The following FOCAD variants were observed in gnomAD, a reference collection of about 807,000 sequenced individuals.
FOCAD encodes the protein KIAA1797.
FOCAD carries 198 observed loss-of-function variants against 225.6 expected under a neutral mutation model. The observed-to-expected ratio is 0.88, with a 90% confidence interval of 0.78 to 0.99. The LOEUF (loss-of-function observed/expected upper bound fraction) is 0.99. FOCAD is among the 50% of genes least tolerant of loss of function. The pLI is 0.00. For synonymous variants in FOCAD, 897 were observed against 755.0 expected (o/e 1.19, Z -3.08); for missense variants, 2,713 against 2,123.6 (o/e 1.28, Z -5.46).
intron 5 of FOCAD, among the ~76,000 whole-genome samples, chr9:20,749,362 G>T (rs915752101): frequency 6.6e-6 from 1 of 152,060 alleles, no homozygotes; most frequent in South Asian, 2.1e-4. Context: ...TATGTGGGAA[G>T]GATAAAGATG....
chr9:20,741,177 C>T (rs988030049), intron 5 of FOCAD, among the ~76,000 whole-genome samples: 6 of 152,174 alleles, frequency 3.9e-5, no homozygotes, highest in Non-Finnish European at 8.8e-5. Flanking sequence ...GAAAGGAAAT[C>T]AGGTACTTTT....
chr9:20,815,233 A>G (rs1481454613), intron 11 of FOCAD, among the ~76,000 whole-genome samples: 1 of 145,818 alleles, frequency 6.9e-6, no homozygotes, highest in African/African-American at 2.6e-5. Context: ...CTCCTGGTTC[A>G]AGCAATTCTC....
At chr9:20,823,964 A>G (rs1824608444) in intron 15 of FOCAD, among the ~76,000 whole-genome samples, 1 of 152,140 alleles carries the variant, frequency 6.6e-6, no homozygotes, top group Non-Finnish European at 1.5e-5. Context: ...GATAGACCCC[A>G]GAGAGAGGTT....
chr9:20,980,772 C>CATTTTAGA (rs1404913411), intron 37 of FOCAD, among the ~76,000 whole-genome samples: 23 of 152,082 alleles, frequency 1.5e-4, no homozygotes, highest in African/African-American at 5.3e-4. Context: ...ACTTGCTGCC[C>CATTTTAGA]CTTTAGTAGC....
At position 20,866,912 on chromosome 9, in the gene FOCAD, T is replaced by A; in HGVS notation, c.2107-17T>A. ...GCTTTTTTTTTTTTTTTTTTTTTTT[T>A]TTTTTACCCTATCTAGGACCCAATT... On this transcript the variant is annotated splice_polypyrimidine_tract_variant and intron_variant, in intron 17 of 43. Transcript: ENST00000338382. The A allele has an allele frequency of 1.0e-6, 1 of 954,414 alleles. No homozygotes were observed. Among genetic ancestry groups the A allele is most frequent in the East Asian group, 2.9e-5 (1 of 34,374 alleles). 59.1% of individuals were successfully genotyped at this position (954,414 alleles called of 1,614,324 possible).
At chr9:20,795,784 G>GA (rs1161085446) in intron 11 of FOCAD, among the ~76,000 whole-genome samples, 3,581 of 42,248 alleles carry the variant, frequency 0.085, 462 homozygotes, top group African/African-American at 0.22. Flanking sequence ...ACTCTGTCTC[G>GA]AAAAAAAAAA....
intron 11 of FOCAD, among the ~76,000 whole-genome samples, chr9:20,809,319 G>T (rs1008087893): frequency 4.3e-4 from 66 of 152,126 alleles, no homozygotes; most frequent in Non-Finnish European, 1.6e-4. Flanking sequence ...GCAGTTTTAT[G>T]TGGTAACCAC....
chr9:20,666,599 T>C (rs1821906111), intron 2 of FOCAD, among the ~76,000 whole-genome samples: 1 of 152,118 alleles, frequency 6.6e-6, no homozygotes, highest in Non-Finnish European at 1.5e-5. Context: ...ACTGTCTTAC[T>C]CTTACTCAGA....
At chr9:20,939,210 G>C (rs1351791012) in intron 28 of FOCAD, among the ~76,000 whole-genome samples, 1 of 148,724 alleles carries the variant, frequency 6.7e-6, no homozygotes, top group East Asian at 2.0e-4. Flanking sequence ...TTGATGGCAT[G>C]GTTGAAGTAT....
intron 11 of FOCAD, among the ~76,000 whole-genome samples, chr9:20,814,772 A>G (rs1823480607): frequency 6.6e-6 from 1 of 152,154 alleles, no homozygotes; most frequent in African/African-American, 2.4e-5. Context: ...CTTCAATCAC[A>G]TACATAAACT....
chr9:20,894,465 A>T (rs899064663), intron 21 of FOCAD, among the ~76,000 whole-genome samples: 3 of 152,104 alleles, frequency 2.0e-5, no homozygotes, highest in African/African-American at 4.8e-5. Context: ...CATCTTCCAA[A>T]GTGGCTATAC....
chr9:20,770,396 G>A (rs2131003992), intron 8 of FOCAD, among the ~76,000 whole-genome samples, 158 bp downstream of exon 8: 1 of 152,282 alleles, frequency 6.6e-6, no homozygotes, highest in African/African-American at 2.4e-5. Flanking sequence ...GGAGGCCTCA[G>A]GAAACTTACA....
chr9:20,683,622 A>G (rs1437257371), upstream of FOCAD: 2 of 152,128 alleles, frequency 1.3e-5, no homozygotes, highest in Non-Finnish European at 2.9e-5. Flanking sequence ...TACTCGCGCC[A>G]ATTCCCCCCA....
At chr9:20,796,990 G>T (rs1004496984) in intron 11 of FOCAD, among the ~76,000 whole-genome samples, 1 of 152,150 alleles carries the variant, frequency 6.6e-6, no homozygotes, top group Admixed American at 6.5e-5. Flanking sequence ...ATTAATTTTT[G>T]TATAAGGTAT....
chr9:20,879,755 C>T (rs1830516108), intron 19 of FOCAD, among the ~76,000 whole-genome samples: 1 of 152,192 alleles, frequency 6.6e-6, no homozygotes, highest in African/African-American at 2.4e-5. Flanking sequence ...AAGCTCTATA[C>T]ATCAACTACA....
chr9:20,919,591 A>G (rs1834197397), intron 24 of FOCAD, among the ~76,000 whole-genome samples: 1 of 152,196 alleles, frequency 6.6e-6, no homozygotes, highest in African/African-American at 2.4e-5. Context: ...CCAAAACAGC[A>G]TGGAACTGGT....
At chr9:20,677,581 A>G (rs1822272208) in intron 2 of FOCAD, among the ~76,000 whole-genome samples, 1 of 151,700 alleles carries the variant, frequency 6.6e-6, no homozygotes, top group African/African-American at 2.4e-5. Context: ...CAAAGAAGAC[A>G]TACAAATGGC....
At chr9:20,772,051 C>T (rs1587105325) in intron 8 of FOCAD, among the ~76,000 whole-genome samples, 1 of 152,100 alleles carries the variant, frequency 6.6e-6, no homozygotes, top group Admixed American at 6.5e-5. Flanking sequence ...CAGTTCAGCC[C>T]ATAGTGAGGG....
At chr9:20,950,077 A>T (rs1280700011) in intron 33 of FOCAD, among the ~76,000 whole-genome samples, 4 of 152,192 alleles carry the variant, frequency 2.6e-5, no homozygotes, top group Middle Eastern at 3.4e-3. Context: ...TTTAATTGTT[A>T]TCCTTGACTA....
Sources: allele counts gnomAD v4.1 joint callset (sites outside exome capture counted in the v4.1 genomes callset), GRCh38; gene constraint gnomAD v4.1.1; transcripts MANE v1.5; gene names NCBI Gene and HGNC (gene_info 2026-07-23, HGNC 2026-07-21).